The following TTC34 variants were observed in gnomAD, a reference collection of about 807,000 sequenced individuals.
The protein encoded by TTC34 is tetratricopeptide repeat protein 34.
In TTC34, 44 loss-of-function variants were observed where a neutral mutation model predicts 40.7. That is an observed-to-expected ratio of 1.08 (90% CI 0.85 to 1.39). TTC34 has a LOEUF of 1.39. TTC34 is among the 40% of genes most tolerant of loss of function. The probability of loss-of-function intolerance (pLI) is 0.00; values close to 1 mark genes in which losing one functional copy is unlikely to be tolerated. For synonymous variants in TTC34, 422 were observed against 398.6 expected, an observed-to-expected ratio of 1.06 and a Z score of -0.70; for missense variants, 884 against 838.0, an observed-to-expected ratio of 1.05 and a Z score of -0.68.
chr1:2,751,533 G>C (rs1160538447), intron 6 of TTC34, among the ~76,000 whole-genome samples: 1 of 113,460 alleles, frequency 8.8e-6, no homozygotes, highest in Non-Finnish European at 1.7e-5. Context: ...TGCACCCCCA[G>C]GTGAGCATCT....
intron 6 of TTC34, among the ~76,000 whole-genome samples, chr1:2,684,304 C>G (rs71490543): frequency 7.3e-6 from 1 of 136,100 alleles, no homozygotes; most frequent in Non-Finnish European, 1.6e-5. Context: ...CAGCCTGGGT[C>G]GGCACCCACA....
At chr1:2,794,785 ATTGT>A (rs767965231) in intron 2 of TTC34, among the ~76,000 whole-genome samples, 5 of 152,130 alleles carry the variant, frequency 3.3e-5, no homozygotes, top group Non-Finnish European at 7.4e-5. Context: ...CTGTTTCTTG[ATTGT>A]TAAAATTCTG....
chr1:2,791,257 G>A (rs562825461), intron 2 of TTC34, among the ~76,000 whole-genome samples: 5 of 152,326 alleles, frequency 3.3e-5, no homozygotes, highest in African/African-American at 1.2e-4. Flanking sequence ...TGGGAGAGGC[G>A]GGGATACTCC....
intron 6 of TTC34, among the ~76,000 whole-genome samples, chr1:2,688,292 C>T (rs80117635): frequency 1.4e-5 from 2 of 146,198 alleles, no homozygotes; most frequent in Admixed American, 6.8e-5. Context: ...CCCACACTCC[C>T]AGGCGAGCAT....
chr1:2,778,652 C>T (rs914580713), intron 6 of TTC34, among the ~76,000 whole-genome samples: 1 of 152,232 alleles, frequency 6.6e-6, no homozygotes, highest in Admixed American at 6.5e-5. Flanking sequence ...AGGGGCCAGG[C>T]AACACCTGGG....
intron 6 of TTC34, among the ~76,000 whole-genome samples, chr1:2,694,036 G>A (rs1273401679): frequency 3.7e-5 from 4 of 106,856 alleles, no homozygotes; most frequent in African/African-American, 9.9e-5. Context: ...ACCCCCAGGC[G>A]AGCATCTCAC....
intron 6 of TTC34, among the ~76,000 whole-genome samples, chr1:2,681,308 A>T (rs1469906561): frequency 1.5e-5 from 1 of 67,434 alleles, no homozygotes; most frequent in Non-Finnish European, 3.2e-5. Flanking sequence ...CCACACACCC[A>T]GGTGATCATC....
intron 6 of TTC34, among the ~76,000 whole-genome samples, chr1:2,749,236 C>T (rs1242829618): frequency 3.1e-4 from 30 of 96,352 alleles, no homozygotes; most frequent in Middle Eastern, 4.2e-3. Context: ...TGGAGCAGCA[C>T]CCACACCCCC....
At chr1:2,651,026 G>C (rs1183300560) in intron 6 of TTC34, among the ~76,000 whole-genome samples, 1 of 138,972 alleles carries the variant, frequency 7.2e-6, no homozygotes, top group Non-Finnish European at 1.5e-5. Context: ...AGCACTCCAC[G>C]CCTTCGGGGG....
chr1:2,700,394 C>A lies in TTC34; in HGVS notation c.2227-54831G>T, dbSNP rs1291875158. Among the ~76,000 whole-genome samples, 101 of 114,454 alleles carry A rather than the reference C, an allele frequency of 8.8e-4. 14 individuals carry two copies. The highest frequency in any genetic ancestry group is 5.4e-3 in the Admixed American group (56 of 10,304). The allele number at this position is 114,454 out of a possible 152,430, so 75.1% of individuals were successfully genotyped here. On this transcript the variant is annotated intron_variant, in intron 6 of 8. Transcript: ENST00000401095. The stretch of plus-strand genomic sequence containing the variant: ...ACAACCCCAGGTGAGTATCTGACAG[C>A]CTGGAGCAGCACCCACACCCCTAGG...
At chr1:2,692,762 C>CTG (rs1640685799) in intron 6 of TTC34, among the ~76,000 whole-genome samples, 1 of 19,552 alleles carries the variant, frequency 5.1e-5, no homozygotes, top group Non-Finnish European at 8.2e-5. Flanking sequence ...GTGAGCATCC[C>CTG]ACAGCCTGGA....
chr1:2,677,061 C>A, intron 6 of TTC34, among the ~76,000 whole-genome samples: 1 of 81,912 alleles, frequency 1.2e-5, no homozygotes, highest in Non-Finnish European at 2.7e-5. Flanking sequence ...CCCAAGTGAG[C>A]ATCTGATTGT....
chr1:2,750,908 C>G (rs1641298170), intron 6 of TTC34, among the ~76,000 whole-genome samples: 1 of 109,756 alleles, frequency 9.1e-6, no homozygotes, highest in Non-Finnish European at 1.8e-5. Flanking sequence ...CATCTGAACG[C>G]ACGGAGCAGC....
At chr1:2,677,880 C>G (rs1427729528) in intron 6 of TTC34, among the ~76,000 whole-genome samples, 1 of 30,612 alleles carries the variant, frequency 3.3e-5, no homozygotes, top group Admixed American at 3.6e-4. Flanking sequence ...CAGCCTGGAA[C>G]CGCAGCCACA....
At chr1:2,686,787 G>A (rs1640376183) in intron 6 of TTC34, among the ~76,000 whole-genome samples, 5 of 143,140 alleles carry the variant, frequency 3.5e-5, no homozygotes, top group Middle Eastern at 3.7e-3. Flanking sequence ...GTGACAGCCT[G>A]GATCAGCACC....
At chr1:2,780,527 C>T (rs1033359645) in intron 6 of TTC34, among the ~76,000 whole-genome samples, 2 of 152,082 alleles carry the variant, frequency 1.3e-5, no homozygotes, top group African/African-American at 4.8e-5. Flanking sequence ...AAAGACTGTC[C>T]CTTCCCCATT....
intron 6 of TTC34, among the ~76,000 whole-genome samples, chr1:2,673,416 G>C (rs1405406491): frequency 1.5e-4 from 12 of 80,486 alleles, no homozygotes; most frequent in Non-Finnish European, 2.7e-4. Context: ...GCATCTGATG[G>C]TTTGCGGCAA....
intron 6 of TTC34, among the ~76,000 whole-genome samples, chr1:2,750,123 C>T (rs1472764650): frequency 2.3e-5 from 1 of 44,090 alleles, no homozygotes; most frequent in East Asian, 1.2e-3. Context: ...AGCACCCACA[C>T]ACCCAGGTGA....
chr1:2,698,426 A>C (rs1252627699), intron 6 of TTC34, among the ~76,000 whole-genome samples: 4 of 77,638 alleles, frequency 5.2e-5, no homozygotes, highest in African/African-American at 1.9e-4. Flanking sequence ...AGTATCCGAC[A>C]GCCTGGAGCA....
Sources: gnomAD v4.1 joint callset for allele counts (sites outside exome capture counted in the v4.1 genomes callset) on GRCh38, gnomAD v4.1.1 for gene constraint, MANE v1.5 for transcripts, NCBI Gene and HGNC (gene_info 2026-07-23, HGNC 2026-07-21) for gene names.